COL21A1: variants seen among roughly 807,000 people sequenced by gnomAD.
COL21A1 encodes the protein collagen alpha-1(XXI) chain.
A neutral mutation model predicts 137.9 loss-of-function variants in COL21A1; 149 were observed. That is an observed-to-expected ratio of 1.08 (90% confidence interval 0.95 to 1.24). The LOEUF (loss-of-function observed/expected upper bound fraction) is 1.24, where lower values mean the gene tolerates loss of function less well. Ranked by LOEUF, COL21A1 falls within the 50% of genes most tolerant of loss-of-function variation. COL21A1 has a pLI of 0.00. For synonymous variants in COL21A1, 456 were observed against 391.5 expected (o/e 1.16, Z -1.95); for missense variants, 1,167 against 1,158.4 (o/e 1.01, Z -0.11).
At chr6:56,371,526 C>G (rs1009174651) in intron 1 of COL21A1, among the ~76,000 whole-genome samples, 1 of 152,170 alleles carries the variant, frequency 6.6e-6, no homozygotes, top group East Asian at 1.9e-4. Flanking sequence ...CCATCCCAGG[C>G]CTTTCCTCTT....
At chr6:56,317,745 C>A (rs757599405) in intron 1 of COL21A1, among the ~76,000 whole-genome samples, 1 of 152,150 alleles carries the variant, frequency 6.6e-6, no homozygotes, top group African/African-American at 2.4e-5. Context: ...TCCTATCCCA[C>A]AGGTATTTCA....
At chr6:56,082,212 C>A (rs1767843406) in intron 17 of COL21A1, among the ~76,000 whole-genome samples, 1 of 151,824 alleles carries the variant, frequency 6.6e-6, no homozygotes, top group Non-Finnish European at 1.5e-5. Context: ...AGATCTGGGA[C>A]CCCTGTCACA....
intron 1 of COL21A1, among the ~76,000 whole-genome samples, chr6:56,324,759 T>C (rs764864126): frequency 8.6e-5 from 13 of 151,976 alleles, no homozygotes; most frequent in Non-Finnish European, 1.5e-4. Context: ...CCCAAATCAT[T>C]GAAACTTGGC....
rs1473906830 is a variant in COL21A1, at chr6:56,384,184, A to G, written c.-39+9787T>C. Among the ~76,000 whole-genome samples, 3 of 152,162 alleles carry G rather than the reference A, an allele frequency of 2.0e-5. No individual in the cohort carries two copies. The East Asian group carries it at 5.8e-4, about 29-fold the overall frequency. ...AGTGCCCTGTCATCCTCGTTAGCCA[A>G]GCCCAGAGTGCTTCCTTGAACAGGC... On this transcript the variant is annotated intron_variant, in intron 1 of 28. Transcript: ENST00000370819.
intron 1 of COL21A1, among the ~76,000 whole-genome samples, chr6:56,260,928 C>T (rs10223442): frequency 0.19 from 26,922 of 142,154 alleles, 2,959 homozygotes; most frequent in Non-Finnish European, 0.26. Context: ...TTTAAAAAAC[C>T]CTTAGAAGTA....
chr6:56,126,115 T>C lies in COL21A1; in HGVS notation c.1577A>G (p.His526Arg). The C allele has an allele frequency of 6.5e-7, 1 of 1,548,674 alleles. No homozygotes were observed. Among genetic ancestry groups the C allele is most frequent in the Admixed American group, 2.0e-5 (1 of 50,850 alleles). The change falls in exon 13 of 30, where the codon CAT becomes CGT. Residue 526 changes from histidine to arginine, a missense_variant. Transcript: ENST00000244728. ...DRGLPGFPGL[H>R]GMPGSKGEMG... ...TTCAACCTTTGATCCTGGCATGCCA[T>C]GAAGCCCAGGAAAACCAGGAAGTCC...
chr6:56,189,902 T>A (rs1002503513), intron 1 of COL21A1, among the ~76,000 whole-genome samples: 1 of 152,286 alleles, frequency 6.6e-6, no homozygotes. Flanking sequence ...TAAAATCCTT[T>A]AGAGACAAGC....
chr6:56,353,827 C>T (rs1425136278), intron 1 of COL21A1, among the ~76,000 whole-genome samples: 2 of 151,962 alleles, frequency 1.3e-5, no homozygotes, highest in African/African-American at 4.8e-5. Context: ...CAGAAGAATA[C>T]TTAAACATAA....
chr6:56,178,364 T>C (rs1201010369), intron 3 of COL21A1, among the ~76,000 whole-genome samples: 1 of 152,132 alleles, frequency 6.6e-6, no homozygotes, highest in Non-Finnish European at 1.5e-5. Flanking sequence ...TTTGTACTTA[T>C]TACAGTACCT....
At position 56,219,164 on chromosome 6, in the gene COL21A1, G is replaced by A. The variant is rs79047017; in HGVS notation, c.-39+28223C>T. On this transcript the variant is annotated intron_variant, in intron 1 of 29. Transcript: ENST00000244728. ...AACAACCAGCGACTGCTAGCTCAGT[G>A]GTTGAGCCAAGCCCAGAAGCTCCAA... Among the ~76,000 whole-genome samples the A allele has an allele frequency of 1.7e-3, 245 of 140,980 alleles. 3 individuals are homozygous for A. The East Asian group carries it at 0.027, about 15-fold the overall frequency. 92.5% of individuals were successfully genotyped at this position (140,980 alleles called of 152,430 possible).
At chr6:56,125,174 C>T (rs1772938624) in intron 14 of COL21A1, among the ~76,000 whole-genome samples, 2 of 151,664 alleles carry the variant, frequency 1.3e-5, no homozygotes, top group Admixed American at 1.3e-4. Context: ...GCTCACACCA[C>T]CACGCCCAGC....
At chr6:56,065,605 G>C (rs1045996141) in intron 23 of COL21A1, among the ~76,000 whole-genome samples, 1 of 151,918 alleles carries the variant, frequency 6.6e-6, no homozygotes, top group African/African-American at 2.4e-5. Flanking sequence ...GCCTTGAGGG[G>C]TGAGTAAGAG....
intron 1 of COL21A1, among the ~76,000 whole-genome samples, chr6:56,258,283 T>C (rs1763163810): frequency 6.6e-6 from 1 of 152,162 alleles, no homozygotes; most frequent in Non-Finnish European, 1.5e-5. Flanking sequence ...ATTAAATACT[T>C]AGACTTTAGC....
At chr6:56,132,490 G>A (rs189134688) in intron 12 of COL21A1, among the ~76,000 whole-genome samples, 2 of 152,120 alleles carry the variant, frequency 1.3e-5, no homozygotes, top group Non-Finnish European at 2.9e-5. Flanking sequence ...AAACAATTCT[G>A]CAATGGAGAA....
chr6:56,323,938 G>T (rs1376284515), intron 1 of COL21A1, among the ~76,000 whole-genome samples: 1 of 152,052 alleles, frequency 6.6e-6, no homozygotes, highest in South Asian at 2.1e-4. Flanking sequence ...CTAACGCTTG[G>T]TCAAGCAAAG....
At position 56,188,482 on chromosome 6, in the gene COL21A1, G is replaced by C. The variant is rs552107442; in HGVS notation, c.-38-5826C>G. Among the ~76,000 whole-genome samples the C allele has an allele frequency of 7.2e-5, 11 of 152,226 alleles. No individual in the cohort carries two copies. The East Asian group carries it at 2.1e-3, about 29-fold the overall frequency. The stretch of plus-strand genomic sequence containing the variant: ...GAATCTCTGAAAATAAGGCAGCAGC[G>C]CCAGTCAGGAACTTATAGATAAAAC... On this transcript the variant is annotated intron_variant, in intron 1 of 29. Transcript: ENST00000244728.
At position 56,117,197 on chromosome 6, in the gene COL21A1, C is replaced by T. The variant is rs568806325; in HGVS notation, c.1758+6865G>A. Among the ~76,000 whole-genome samples, 3 of 151,960 alleles carry T rather than the reference C, an allele frequency of 2.0e-5. No individual in the cohort carries two copies. The South Asian group carries it at 6.2e-4, about 32-fold the overall frequency. ...ACAATACCCATTGATCTATTGCCTA[C>T]AGTAAACACACTTCACCTATAAAGA... On this transcript the variant is annotated intron_variant, in intron 16 of 29. Coordinates refer to ENST00000244728, the MANE Select transcript of COL21A1 (RefSeq NM_030820.4).
intron 1 of COL21A1, among the ~76,000 whole-genome samples, chr6:56,245,445 G>A (rs892271115): frequency 3.9e-5 from 6 of 152,120 alleles, no homozygotes; most frequent in African/African-American, 1.4e-4. Flanking sequence ...TTCTAAGAGT[G>A]CAGTTGGTAT....
At chr6:56,110,126 T>A (rs886087859) in intron 16 of COL21A1, among the ~76,000 whole-genome samples, 9 of 151,964 alleles carry the variant, frequency 5.9e-5, no homozygotes, top group Non-Finnish European at 1.2e-4. Flanking sequence ...ATAAAAAGAA[T>A]ATTATAAGAT....
Sources: gnomAD v4.1 joint callset for allele counts (sites outside exome capture counted in the v4.1 genomes callset) on GRCh38, gnomAD v4.1.1 for gene constraint, MANE v1.5 for transcripts, NCBI Gene and HGNC (gene_info 2026-07-23, HGNC 2026-07-21) for gene names.